PTPN4: variants seen among roughly 807,000 people sequenced by gnomAD.
PTPN4 encodes protein tyrosine phosphatase non-receptor type 4.
Under a neutral mutation model 135.5 loss-of-function variants are expected in PTPN4, and 49 were observed. That is an observed-to-expected ratio of 0.36 (90% CI 0.29 to 0.46). The LOEUF is 0.46. PTPN4 is among the 20% of genes least tolerant of loss of function. The pLI, the probability that PTPN4 is intolerant of heterozygous loss-of-function variation, is 1.00. For synonymous variants in PTPN4, 333 were observed against 369.9 expected (o/e 0.90, Z 1.14); for missense variants, 860 against 1,101.0 (o/e 0.78, Z 3.10).
intron 2 of PTPN4, among the ~76,000 whole-genome samples, chr2:119,856,183 G>A (rs1677678506): frequency 6.6e-6 from 1 of 152,096 alleles, no homozygotes; most frequent in Non-Finnish European, 1.5e-5. Flanking sequence ...AGAAGGAGAG[G>A]CTAGATTCTG....
At chr2:119,871,159 C>A (rs1677903704) in intron 3 of PTPN4, among the ~76,000 whole-genome samples, 1 of 147,362 alleles carries the variant, frequency 6.8e-6, no homozygotes, top group African/African-American at 2.5e-5. Flanking sequence ...ACAATGATAA[C>A]ACTCTTTGCA....
At chr2:119,966,782 G>A (rs1239991874) in intron 25 of PTPN4, among the ~76,000 whole-genome samples, 3 of 152,134 alleles carry the variant, frequency 2.0e-5, no homozygotes, top group Admixed American at 6.5e-5. Flanking sequence ...TAAGTAAACA[G>A]CAGGCTACTC....
chr2:119,823,953 G>C (rs755894402), intron 2 of PTPN4, among the ~76,000 whole-genome samples: 28 of 152,234 alleles, frequency 1.8e-4, no homozygotes, highest in Admixed American at 3.3e-4. Flanking sequence ...GAGACTCTGT[G>C]GAAAGACAAC....
chr2:119,925,190 A>G (rs1479763353), intron 12 of PTPN4, among the ~76,000 whole-genome samples: 2 of 152,114 alleles, frequency 1.3e-5, no homozygotes, highest in Non-Finnish European at 2.9e-5. Context: ...CCCCATGACT[A>G]TTAAAGCAGC....
At chr2:119,965,259 G>A (rs1679429238) in intron 24 of PTPN4, among the ~76,000 whole-genome samples, 1 of 152,166 alleles carries the variant, frequency 6.6e-6, no homozygotes, top group African/African-American at 2.4e-5. Context: ...CTGTAGAGCA[G>A]TTAAGGGGAA....
intron 2 of PTPN4, among the ~76,000 whole-genome samples, chr2:119,842,468 AAC>A: frequency 6.6e-6 from 1 of 152,222 alleles, no homozygotes; most frequent in South Asian, 2.1e-4. Context: ...CCAGCTTTAT[AAC>A]AGTTATTAAC....
intron 2 of PTPN4, among the ~76,000 whole-genome samples, chr2:119,825,621 G>A (rs551169356): frequency 6.0e-5 from 9 of 150,310 alleles, no homozygotes; most frequent in South Asian, 2.1e-4. Flanking sequence ...TCAGCCTCCC[G>A]AGTAGCTAGG....
At chr2:119,786,459 A>G (rs1275858539) in intron 1 of PTPN4, among the ~76,000 whole-genome samples, 1 of 152,128 alleles carries the variant, frequency 6.6e-6, no homozygotes, top group African/African-American at 2.4e-5. Context: ...TTCTCTTTTC[A>G]TTGCAGTCAG....
At chr2:119,919,607 G>A (rs1030616073) in intron 11 of PTPN4, among the ~76,000 whole-genome samples, 1 of 152,106 alleles carries the variant, frequency 6.6e-6, no homozygotes, top group Non-Finnish European at 1.5e-5. Context: ...TAGATCACTT[G>A]AGGTCAGGAG....
chr2:119,921,878 A>C (rs1340585908), intron 12 of PTPN4, among the ~76,000 whole-genome samples: 1 of 151,896 alleles, frequency 6.6e-6, no homozygotes, highest in Non-Finnish European at 1.5e-5. Context: ...TTACCAGGGT[A>C]GTTATACAAG....
chr2:119,892,888 A>AT (rs35557598), intron 9 of PTPN4, among the ~76,000 whole-genome samples: 1,813 of 140,136 alleles, frequency 0.013, 29 homozygotes, highest in African/African-American at 0.04. Flanking sequence ...TGCTGGTTGA[A>AT]TTTTTTTTTT....
At chr2:119,932,605 T>C in intron 14 of PTPN4, 56 bp downstream of exon 14, 1 of 1,504,244 alleles carries the variant, frequency 6.6e-7, no homozygotes, top group Non-Finnish European at 9.0e-7. Flanking sequence ...TTTCTAATTA[T>C]TGGCTGTATA....
chr2:119,883,481 T>G (rs1007343177), intron 8 of PTPN4, among the ~76,000 whole-genome samples: 3 of 152,164 alleles, frequency 2.0e-5, no homozygotes, highest in Admixed American at 6.5e-5. Flanking sequence ...TTATATATTA[T>G]TTTTTCAAAA....
At chr2:119,884,293 T>C (rs1678123446) in intron 8 of PTPN4, among the ~76,000 whole-genome samples, 1 of 152,262 alleles carries the variant, frequency 6.6e-6, no homozygotes, top group Non-Finnish European at 1.5e-5. Context: ...TTTTGTGGCA[T>C]GTGAAATTTT....
At chr2:119,844,571 G>T (rs1400992779) in intron 2 of PTPN4, among the ~76,000 whole-genome samples, 3 of 149,850 alleles carry the variant, frequency 2.0e-5, no homozygotes, top group African/African-American at 7.4e-5. Flanking sequence ...TCACCTCCCA[G>T]ACGGGGTCTC....
At chr2:119,938,866 CCT>C (rs986350394) in intron 15 of PTPN4, among the ~76,000 whole-genome samples, 4 of 151,994 alleles carry the variant, frequency 2.6e-5, no homozygotes, top group African/African-American at 9.7e-5. Context: ...AGTTTGGAAA[CCT>C]CTGATTTAAA....
At chr2:119,786,467 C>T (rs1354576031) in intron 1 of PTPN4, among the ~76,000 whole-genome samples, 1 of 152,138 alleles carries the variant, frequency 6.6e-6, no homozygotes, top group Non-Finnish European at 1.5e-5. Context: ...TCATTGCAGT[C>T]AGCTGTAGTG....
intron 1 of PTPN4, among the ~76,000 whole-genome samples, chr2:119,780,623 T>G (rs1690919386): frequency 6.6e-6 from 1 of 152,240 alleles, no homozygotes; most frequent in South Asian, 2.1e-4. Context: ...ATCACTAGAT[T>G]CAAGTTAAAC....
intron 5 of PTPN4, among the ~76,000 whole-genome samples, chr2:119,878,322 A>AT (rs1243894071): frequency 2.6e-5 from 4 of 152,210 alleles, no homozygotes; most frequent in African/African-American, 9.7e-5. Flanking sequence ...GAAAGACAGA[A>AT]TTAGTAATGA....
Sources: gnomAD v4.1 joint callset for allele counts (sites outside exome capture counted in the v4.1 genomes callset) on GRCh38, gnomAD v4.1.1 for gene constraint, MANE v1.5 for transcripts, NCBI Gene and HGNC (gene_info 2026-07-23, HGNC 2026-07-21) for gene names.